Variants in ATP6V1H observed in about 807,000 individuals in gnomAD.
ATP6V1H encodes the protein ATPase H+ transporting V1 subunit H.
ATP6V1H carries 39 observed loss-of-function variants against 71.7 expected under a neutral mutation model. The ratio of observed to expected loss-of-function variants is 0.54; its 90% CI spans 0.42 to 0.71. The LOEUF (loss-of-function observed/expected upper bound fraction) is 0.71, where lower values mean the gene tolerates loss of function less well. Among genes scored for constraint, ATP6V1H ranks in the 30% least tolerant of loss-of-function variants. The pLI, the probability that ATP6V1H is intolerant of heterozygous loss-of-function variation, is 0.00. For missense variants in ATP6V1H, 509 were observed against 594.9 expected, an observed-to-expected ratio of 0.86 and a Z score of 1.50; for synonymous variants, 192 against 199.3, an observed-to-expected ratio of 0.96 and a Z score of 0.31.
At chr8:53,717,361 C>T (rs969903778) in intron 13 of ATP6V1H, among the ~76,000 whole-genome samples, 13 of 152,188 alleles carry the variant, frequency 8.5e-5, no homozygotes, top group South Asian at 4.1e-4. Flanking sequence ...AAGTGTCACG[C>T]ACCACTCCCC....
At chr8:53,825,003 T>C (rs1046442092) in intron 4 of ATP6V1H, among the ~76,000 whole-genome samples, 1 of 152,006 alleles carries the variant, frequency 6.6e-6, no homozygotes, top group Non-Finnish European at 1.5e-5. Flanking sequence ...GGAAGAGAAA[T>C]GCTGTTTTTA....
intron 9 of ATP6V1H, among the ~76,000 whole-genome samples, chr8:53,781,613 C>T (rs1375925494): frequency 6.6e-6 from 1 of 152,090 alleles, no homozygotes; most frequent in African/African-American, 2.4e-5. Context: ...GAAGTCCTTG[C>T]CCATGCCTAT....
rs143536322 is a variant in ATP6V1H at position 53,805,902 on chromosome 8, T to C, written c.580-4006A>G. Among the ~76,000 whole-genome samples, 377 of 152,310 alleles carry C rather than the reference T, an allele frequency of 2.5e-3. 1 individual carries two copies. The highest frequency in any genetic ancestry group is 6.8e-3 in the Middle Eastern group (2 of 294). ...ACACATAAGAATTTATACTGTATGA[T>C]TCCATTAAATGGAGTTCAAGATCAG... On this transcript the variant is annotated intron_variant, in intron 7 of 13. Coordinates refer to ENST00000359530, the MANE Select transcript of ATP6V1H (RefSeq NM_015941.4).
intron 9 of ATP6V1H, among the ~76,000 whole-genome samples, chr8:53,782,136 TG>T (rs1809166062): frequency 1.3e-5 from 2 of 152,198 alleles, no homozygotes; most frequent in Admixed American, 6.5e-5. Flanking sequence ...TTGGGCAGTA[TG>T]GCCATTTTCA....
chr8:53,766,672 G>GC (rs1190240271), intron 11 of ATP6V1H, among the ~76,000 whole-genome samples: 7 of 152,080 alleles, frequency 4.6e-5, no homozygotes, highest in East Asian at 1.9e-4. Context: ...CTCTGAACTG[G>GC]CCCCCCCAGG....
chr8:53,786,737 A>C lies in ATP6V1H; in HGVS notation c.870+8910T>G, dbSNP rs181011980. On this transcript the variant is annotated intron_variant, in intron 9 of 13. Transcript: ENST00000359530. Reference sequence around the variant, plus strand: ...TCACCTCAACAAAAGCAAAAGTGACAAATCCAGTATAAACATCATTTTTGC... The same window carrying C: ...TCACCTCAACAAAAGCAAAAGTGACCAATCCAGTATAAACATCATTTTTGC... 2.2e-3 allele frequency among the ~76,000 whole-genome samples: 338 copies of C among 152,380 alleles called. 2 individuals are homozygous for C. Among genetic ancestry groups the C allele is most frequent in the African/African-American group, 7.9e-3 (327 of 41,588 alleles).
intron 2 of ATP6V1H, among the ~76,000 whole-genome samples, chr8:53,838,312 C>A (rs887519158): frequency 1.3e-5 from 2 of 151,906 alleles, no homozygotes; most frequent in African/African-American, 4.8e-5. Context: ...AGAGATGAGG[C>A]TTCACCATGT....
intron 9 of ATP6V1H, among the ~76,000 whole-genome samples, chr8:53,774,695 T>A (rs1585771906): frequency 6.6e-6 from 1 of 151,590 alleles, no homozygotes; most frequent in East Asian, 1.9e-4. Flanking sequence ...GAATGGAGTC[T>A]AGATATGAAA....
At chr8:53,744,637 G>A (rs764754938) in intron 12 of ATP6V1H, among the ~76,000 whole-genome samples, 1 of 152,136 alleles carries the variant, frequency 6.6e-6, no homozygotes, top group Non-Finnish European at 1.5e-5. Context: ...AAGTAGATGG[G>A]GGTCGGAGTG....
chr8:53,775,454 G>A (rs1218919451), intron 9 of ATP6V1H, among the ~76,000 whole-genome samples: 1 of 152,226 alleles, frequency 6.6e-6, no homozygotes, highest in East Asian at 1.9e-4. Flanking sequence ...CGAGTGGCCT[G>A]TTTTGACAGG....
At chr8:53,822,769 A>G (rs2130499804) in intron 4 of ATP6V1H, among the ~76,000 whole-genome samples, 1 of 152,270 alleles carries the variant, frequency 6.6e-6, no homozygotes, top group East Asian at 1.9e-4. Flanking sequence ...TACCTAAAAC[A>G]AAATGATTCA....
At chr8:53,755,216 T>C (rs1342329549) in intron 12 of ATP6V1H, among the ~76,000 whole-genome samples, 1 of 152,150 alleles carries the variant, frequency 6.6e-6, no homozygotes, top group African/African-American at 2.4e-5. Flanking sequence ...CTACCTCCCC[T>C]GTATCTCCAG....
intron 13 of ATP6V1H, among the ~76,000 whole-genome samples, chr8:53,727,172 C>T (rs1233635048): frequency 1.3e-5 from 2 of 152,226 alleles, no homozygotes; most frequent in African/African-American, 4.8e-5. Context: ...CCTGGCTCTT[C>T]AGGGCCTTGC....
At chr8:53,817,615 A>G in intron 4 of ATP6V1H, 85 bp from the exon 5 acceptor site, 5 of 781,664 alleles carry the variant, frequency 6.4e-6, no homozygotes, top group Non-Finnish European at 1.0e-5. Flanking sequence ...TCAACCTCCC[A>G]TCAGTCTGTG....
intron 4 of ATP6V1H, among the ~76,000 whole-genome samples, chr8:53,827,195 C>T (rs937603762): frequency 4.6e-5 from 7 of 151,734 alleles, no homozygotes; most frequent in African/African-American, 1.5e-4. Flanking sequence ...CCAGCCTGGC[C>T]AACATGGTGA....
At chr8:53,718,587 G>A (rs1241992690) in intron 13 of ATP6V1H, among the ~76,000 whole-genome samples, 3 of 151,894 alleles carry the variant, frequency 2.0e-5, no homozygotes, top group Non-Finnish European at 4.4e-5. Context: ...ACAGGGTTTC[G>A]TCATGTTGTC....
intron 11 of ATP6V1H, among the ~76,000 whole-genome samples, chr8:53,763,322 A>G (rs1338957181): frequency 6.6e-6 from 1 of 152,256 alleles, no homozygotes; most frequent in African/African-American, 2.4e-5. Context: ...GAAAAAGAAG[A>G]AAACAACTTC....
At chr8:53,840,497 CAAA>C (rs111534562) in intron 2 of ATP6V1H, among the ~76,000 whole-genome samples, 2 of 125,062 alleles carry the variant, frequency 1.6e-5, no homozygotes, top group Admixed American at 8.2e-5. Flanking sequence ...GACTCTGTCT[CAAA>C]AAAAAAAAAA....
chr8:53,788,203 G>A, intron 9 of ATP6V1H, among the ~76,000 whole-genome samples: 1 of 152,008 alleles, frequency 6.6e-6, no homozygotes, highest in South Asian at 2.1e-4. Context: ...CACATAATAA[G>A]TGCATTACCC....
Sources: allele counts gnomAD v4.1 joint callset (sites outside exome capture counted in the v4.1 genomes callset), GRCh38; gene constraint gnomAD v4.1.1; transcripts MANE v1.5; gene names NCBI Gene and HGNC (gene_info 2026-07-23, HGNC 2026-07-21).